The following RAB11A variants were observed in gnomAD, a reference collection of about 807,000 sequenced individuals.
RAB11A encodes the protein ras-related protein Rab-11A.
RAB11A carries 9 observed loss-of-function variants against 28.0 expected under a neutral mutation model. That is an observed-to-expected ratio of 0.32 (90% confidence interval 0.19 to 0.56). The LOEUF (loss-of-function observed/expected upper bound fraction) is 0.56. Ranked by LOEUF, RAB11A falls within the 20% of genes least tolerant of loss-of-function variation. RAB11A has a pLI of 0.91. For missense variants in RAB11A, 108 were observed against 269.6 expected, an observed-to-expected ratio of 0.40 and a Z score of 4.20; for synonymous variants, 85 against 88.2, an observed-to-expected ratio of 0.96 and a Z score of 0.20.
At chr15:65,874,346 A>G (rs1192257717) in intron 1 of RAB11A, among the ~76,000 whole-genome samples, 1 of 151,952 alleles carries the variant, frequency 6.6e-6, no homozygotes, top group Non-Finnish European at 1.5e-5. Flanking sequence ...GCTTCAAGCA[A>G]TTCTCCTGCT....
chr15:65,888,586 A>C lies in RAB11A; in HGVS notation c.*746A>C, dbSNP rs925079269. 6.6e-5 allele frequency: 10 copies of C among 152,252 alleles called. No homozygotes were observed. The highest frequency in any genetic ancestry group is 5.9e-4 in the Admixed American group (9 of 15,258). 9.4% of individuals were successfully genotyped at this position (152,252 alleles called of 1,614,324 possible). A position where few individuals can be genotyped will look rare whatever the true frequency, so the allele number is the denominator to read the frequency against. ...TTCCATCTCGGGTGCCTCTGTTGGC[A>C]ATGATCAGGCAGCCCAAAAGATTTA... On this transcript the variant is annotated 3_prime_UTR_variant, in exon 5 of 5. Transcript: ENST00000261890.
At chr15:65,875,005 GC>G (rs778179652) in intron 1 of RAB11A, among the ~76,000 whole-genome samples, 6 of 152,138 alleles carry the variant, frequency 3.9e-5, no homozygotes, top group Non-Finnish European at 7.3e-5. Flanking sequence ...CTCTGCTTGT[GC>G]CGTGGCACTC....
chr15:65,886,451 A>G (rs1430829788), intron 4 of RAB11A, among the ~76,000 whole-genome samples: 1 of 152,204 alleles, frequency 6.6e-6, no homozygotes, highest in East Asian at 1.9e-4. Flanking sequence ...GGTGTCCTTT[A>G]TAGGAATACA....
intron 1 of RAB11A, among the ~76,000 whole-genome samples, chr15:65,872,966 G>A (rs1386190056): frequency 6.6e-6 from 1 of 152,142 alleles, no homozygotes; most frequent in Non-Finnish European, 1.5e-5. Flanking sequence ...ATAGTTGAGG[G>A]AATTGGAGTT....
Position 65,869,517 on chromosome 15 carries a change from C to A in RAB11A, c.-69C>A. ...GTTGAAGCTCGGCGCTCGGGTTACC[C>A]CTGCAGCGACGCCCCCTGGTCCCAC... On this transcript the variant is annotated 5_prime_UTR_variant, in exon 1 of 5. Transcript: ENST00000261890. The A allele has an allele frequency of 6.3e-7, 1 of 1,581,030 alleles. No individual in the cohort carries two copies. The highest frequency in any genetic ancestry group is 8.6e-7 in the Non-Finnish European group (1 of 1,164,936).
At position 65,891,154 on chromosome 15, in the gene RAB11A, T is replaced by C. The variant is rs183110946; in HGVS notation, c.*3314T>C. On this transcript the variant is annotated 3_prime_UTR_variant, in exon 5 of 5. Coordinates refer to ENST00000261890, the MANE Select transcript of RAB11A (RefSeq NM_004663.5). Reference sequence around the variant, plus strand: ...TTGACAAGTCTTTCCCACTCACCTATACAATATGCCAAATCAACTGGAGTT... The same window carrying C: ...TTGACAAGTCTTTCCCACTCACCTACACAATATGCCAAATCAACTGGAGTT... The C allele has an allele frequency of 3.3e-5, 5 of 152,330 alleles. No homozygotes were observed. Among genetic ancestry groups the C allele is most frequent in the African/African-American group, 1.2e-4 (5 of 41,574 alleles). The allele number at this position is 152,330 out of a possible 1,614,324, so 9.4% of individuals were successfully genotyped here.
chr15:65,874,577 G>C (rs1218668183), intron 1 of RAB11A, among the ~76,000 whole-genome samples: 1 of 151,932 alleles, frequency 6.6e-6, no homozygotes, highest in Non-Finnish European at 1.5e-5. Context: ...CATGAATTTT[G>C]AGTTATTTTC....
At chr15:65,882,389 C>T (rs1273036343) in intron 4 of RAB11A, among the ~76,000 whole-genome samples, 1 of 152,182 alleles carries the variant, frequency 6.6e-6, no homozygotes, top group Non-Finnish European at 1.5e-5. Context: ...CTTGATTCTA[C>T]CTTAAATGTT....
rs1396937835 is a variant in RAB11A at position 65,879,663 on chromosome 15, C to G, written c.431-8C>G. 8 of 1,573,854 alleles carry G rather than the reference C, an allele frequency of 5.1e-6. No individual in the cohort carries two copies. The African/African-American group carries it at 5.4e-5, about 11-fold the overall frequency. Reference sequence around the variant, plus strand: ...TTAACAAGACTGAACTTTTGTGTCTCCCCTCAGAAAAGAATGGTTTGTCAT... The same window carrying G: ...TTAACAAGACTGAACTTTTGTGTCTGCCCTCAGAAAAGAATGGTTTGTCAT... On this transcript the variant is annotated splice_region_variant and splice_polypyrimidine_tract_variant and intron_variant, in intron 3 of 4. Coordinates refer to ENST00000261890, the MANE Select transcript of RAB11A (RefSeq NM_004663.5).
At chr15:65,885,862 G>A (rs2078253025) in intron 4 of RAB11A, among the ~76,000 whole-genome samples, 1 of 152,222 alleles carries the variant, frequency 6.6e-6, no homozygotes, top group Non-Finnish European at 1.5e-5. Context: ...GGCATTCAGA[G>A]GCTTATGCCA....
chr15:65,872,869 A>G (rs1019172336), intron 1 of RAB11A, among the ~76,000 whole-genome samples: 2 of 152,208 alleles, frequency 1.3e-5, no homozygotes, highest in Non-Finnish European at 2.9e-5. Context: ...GAATGATTTT[A>G]TTTCAAAATG....
intron 4 of RAB11A, among the ~76,000 whole-genome samples, chr15:65,884,963 G>A (rs1047469898): frequency 7.5e-6 from 1 of 133,828 alleles, no homozygotes; most frequent in Admixed American, 7.7e-5. Flanking sequence ...CGCCCCCACC[G>A]TTTTTTTTTT....
Position 65,879,656 on chromosome 15 carries a change from T to A in RAB11A, c.431-15T>A. The A allele has an allele frequency of 6.4e-7, 1 of 1,560,886 alleles. No individual in the cohort carries two copies. The highest frequency in any genetic ancestry group is 8.8e-7 in the Non-Finnish European group (1 of 1,135,010). On this transcript the variant is annotated splice_polypyrimidine_tract_variant and intron_variant, in intron 3 of 4. Transcript: ENST00000261890. ...TTAAAACTTAACAAGACTGAACTTTTGTGTCTCCCCTCAGAAAAGAATGGT... is the reference window on the plus strand; with the variant it reads ...TTAAAACTTAACAAGACTGAACTTTAGTGTCTCCCCTCAGAAAAGAATGGT...
Position 65,877,859 on chromosome 15 carries a change from C to G in RAB11A, c.334C>G (p.His112Asp). ...VERWLKELRD[H>D]ADSNIVIMLV... ...GCGATGGCTGAAAGAACTGAGAGATCATGCTGATAGTAACATTGTTATCAT... is the reference window on the plus strand; with the variant it reads ...GCGATGGCTGAAAGAACTGAGAGATGATGCTGATAGTAACATTGTTATCAT... Residue 112 changes from histidine to aspartate, a missense_variant, in exon 3 of 5, where the codon CAT becomes GAT. His to Asp is a moderately conservative substitution (Grantham distance 81, BLOSUM62 -1). Coordinates refer to ENST00000261890, the MANE Select transcript of RAB11A (RefSeq NM_004663.5). The surrounding 1 kb of genome is among the most constrained non-coding windows in gnomAD (Gnocchi z 4.1). 6.2e-7 allele frequency: 1 copy of G among 1,612,496 alleles called. No homozygotes were observed. The highest frequency in any genetic ancestry group is 8.5e-7 in the Non-Finnish European group (1 of 1,178,506).
chr15:65,883,291 G>A (rs559992052), intron 4 of RAB11A, among the ~76,000 whole-genome samples: 9 of 152,214 alleles, frequency 5.9e-5, no homozygotes, highest in East Asian at 1.9e-4. Flanking sequence ...CTCTAATCTC[G>A]AACAGTTCCT....
chr15:65,880,126 G>A (rs1286443005), intron 4 of RAB11A, among the ~76,000 whole-genome samples: 8 of 152,156 alleles, frequency 5.3e-5, no homozygotes, highest in Non-Finnish European at 8.8e-5. Context: ...TAAAGGCAAA[G>A]CTAGGGAAAA....
Position 65,869,664 on chromosome 15 carries a change from T to C in RAB11A, c.40+39T>C, listed in dbSNP as rs1317890601. The stretch of plus-strand genomic sequence containing the variant: ...CTCTCGCACTCTACACAGTCCTCGT[T>C]CGGGGACCCGGGCCACTCCCGGTGG... On this transcript the variant is annotated intron_variant, in intron 1 of 4. Coordinates refer to ENST00000261890, the MANE Select transcript of RAB11A (RefSeq NM_004663.5). The C allele has an allele frequency of 1.9e-6, 3 of 1,591,862 alleles. No individual in the cohort carries two copies. In the African/African-American group the frequency reaches 4.0e-5, roughly 21 times the overall value.
intron 4 of RAB11A, among the ~76,000 whole-genome samples, chr15:65,883,008 T>C (rs1169727770): frequency 6.6e-6 from 1 of 152,228 alleles, no homozygotes; most frequent in East Asian, 1.9e-4. Context: ...AATATATACA[T>C]ATTTTTTCGG....
chr15:65,874,267 C>T (rs1264301214), intron 1 of RAB11A, among the ~76,000 whole-genome samples: 2 of 149,518 alleles, frequency 1.3e-5, no homozygotes, highest in East Asian at 2.0e-4. Context: ...ACTCTTGTTG[C>T]CCAGGCTGGA....
Sources: allele counts gnomAD v4.1 joint callset (sites outside exome capture counted in the v4.1 genomes callset), GRCh38; gene constraint gnomAD v4.1.1; non-coding constraint Gnocchi (gnomAD v3.1); transcripts MANE v1.5; gene names NCBI Gene and HGNC (gene_info 2026-07-23, HGNC 2026-07-21).